The following USP10 variants were observed in gnomAD, a reference collection of about 807,000 sequenced individuals.
USP10 encodes ubiquitin carboxyl-terminal hydrolase 10.
In USP10, 22 loss-of-function variants were observed where a neutral mutation model predicts 84.5. The ratio of observed to expected loss-of-function variants is 0.26; its 90% CI spans 0.19 to 0.37. USP10 has a LOEUF of 0.37. Among genes scored for constraint, USP10 ranks in the 10% least tolerant of loss-of-function variants. The pLI is 1.00. For missense variants in USP10, 1,019 were observed against 998.9 expected, an observed-to-expected ratio of 1.02 and a Z score of -0.27; for synonymous variants, 454 against 387.6, an observed-to-expected ratio of 1.17 and a Z score of -2.01.
intron 11 of USP10, among the ~76,000 whole-genome samples, chr16:84,772,083 G>A (rs188535250): frequency 1.1e-4 from 17 of 152,040 alleles, no homozygotes; most frequent in South Asian, 2.1e-4. Flanking sequence ...ACAAGATCTC[G>A]CTGTGTTGCC....
chr16:84,749,213 A>G (rs1911609134), intron 4 of USP10, among the ~76,000 whole-genome samples: 1 of 152,194 alleles, frequency 6.6e-6, no homozygotes, highest in African/African-American at 2.4e-5. Context: ...AAAAGTGGTA[A>G]AACATACTCA....
chr16:84,774,497 T>TTCTTCTAGACAGAG (rs77818365), intron 12 of USP10, among the ~76,000 whole-genome samples: 1 of 150,226 alleles, frequency 6.7e-6, no homozygotes, highest in African/African-American at 2.5e-5. Flanking sequence ...GTTTGTTTTT[T>TTCTTCTAGACAGAG]TCTTGCTCTG....
At position 84,779,062 on chromosome 16, in the gene USP10, C is replaced by T. The variant is rs746444939; in HGVS notation, c.2377C>T (p.Arg793Cys). ...AERTAYLLYY[R>C]RVDLL ...ACGCACAGCCTACCTCCTGTATTAC[C>T]GCCGAGTGGACCTGCTGTAAACCCT... is the stretch of plus-strand genomic sequence containing the variant. The change falls in exon 14 of 14, where the codon CGC (arginine) becomes TGC (cysteine). Residue 793 changes from arginine to cysteine, a missense_variant. Transcript: ENST00000219473. The T allele has an allele frequency of 4.3e-6, 7 of 1,613,692 alleles. No homozygotes were observed. The highest frequency in any genetic ancestry group is 5.9e-6 in the Non-Finnish European group (7 of 1,179,746).
chr16:84,719,682 G>T (rs772908850), intron 1 of USP10, among the ~76,000 whole-genome samples: 3 of 152,204 alleles, frequency 2.0e-5, no homozygotes, highest in African/African-American at 4.8e-5. Context: ...AGTGTATGTA[G>T]GTCCCATAAG....
chr16:84,734,821 T>A (rs1296094275), intron 2 of USP10, among the ~76,000 whole-genome samples: 4 of 152,204 alleles, frequency 2.6e-5, no homozygotes, highest in African/African-American at 9.6e-5. Context: ...CTGAATTTTG[T>A]ATATGTGTGA....
At chr16:84,766,346 A>C (rs531634536) in intron 10 of USP10, among the ~76,000 whole-genome samples, 2 of 152,204 alleles carry the variant, frequency 1.3e-5, no homozygotes, top group Admixed American at 1.3e-4. Flanking sequence ...TGTCCACGGC[A>C]GCTGGGTGGT....
chr16:84,750,404 CA>C (rs71151245), intron 4 of USP10, among the ~76,000 whole-genome samples: 4,634 of 106,200 alleles, frequency 0.044, 201 homozygotes, highest in African/African-American at 0.15. Flanking sequence ...GAGACTGTCT[CA>C]AAAAAAAAAA....
chr16:84,735,690 G>A (rs1909843001), intron 2 of USP10, among the ~76,000 whole-genome samples: 1 of 152,174 alleles, frequency 6.6e-6, no homozygotes, highest in African/African-American at 2.4e-5. Flanking sequence ...ATTCACAGAA[G>A]ACGTGACTGT....
rs142177682 is a variant in USP10 at position 84,740,460 on chromosome 16, A to G, written c.151+91A>G. The G allele has an allele frequency of 8.4e-6, 9 of 1,076,098 alleles. No individual in the cohort carries two copies. The African/African-American group carries it at 9.5e-5, about 11-fold the overall frequency. 66.7% of individuals were successfully genotyped at this position (1,076,098 alleles called of 1,614,324 possible). The stretch of plus-strand genomic sequence containing the variant: ...CCTGTAAACATTGTTTCCCATTTGA[A>G]TAAACATTTCTTTGTAGCTTGAAGT... On this transcript the variant is annotated intron_variant, in intron 3 of 13. Coordinates refer to ENST00000219473, the MANE Select transcript of USP10 (RefSeq NM_005153.3).
chr16:84,745,638 C>T lies in USP10; in HGVS notation c.1157C>T (p.Pro386Leu), dbSNP rs761103695. Residue 386 changes from proline to leucine, a missense_variant, in exon 4 of 14, where the codon CCG becomes CTG. Physicochemically the swap from Pro to Leu is moderately conservative, Grantham distance 98. Coordinates refer to ENST00000219473, the MANE Select transcript of USP10 (RefSeq NM_005153.3). ...KQVEVKEGLV[P>L]VSEDPVAIKI... ...GTTGAAGTCAAAGAAGGGCTTGTTCCGGTTTCAGAGGATCCTGTAGCCATA... is the reference window on the plus strand; with the variant it reads ...GTTGAAGTCAAAGAAGGGCTTGTTCTGGTTTCAGAGGATCCTGTAGCCATA... 9.9e-6 allele frequency: 16 copies of T among 1,612,870 alleles called. No homozygotes were observed. Among genetic ancestry groups the T allele is most frequent in the South Asian group, 3.3e-5 (3 of 90,828 alleles).
intron 8 of USP10, 140 bp from the exon 9 acceptor site, chr16:84,762,849 T>C (rs554521841): frequency 5.8e-6 from 3 of 520,574 alleles, no homozygotes; most frequent in African/African-American, 5.6e-5. Context: ...GGGAAACCCA[T>C]GTCATCATGT....
At position 84,730,553 on chromosome 16, in the gene USP10, G is replaced by A. The variant is rs148540192; in HGVS notation, c.22-2882G>A. ...AAAACTCAGTGAACCGTTTCTGAGCGTTCCAGCTCATGACTTGAGGGTGTT... is the reference window on the plus strand; with the variant it reads ...AAAACTCAGTGAACCGTTTCTGAGCATTCCAGCTCATGACTTGAGGGTGTT... On this transcript the variant is annotated intron_variant, in intron 1 of 13. Coordinates refer to ENST00000219473, the MANE Select transcript of USP10 (RefSeq NM_005153.3). Among the ~76,000 whole-genome samples the A allele has an allele frequency of 1.0e-3, 157 of 152,312 alleles. 1 individual carries two copies. The highest frequency in any genetic ancestry group is 3.6e-3 in the African/African-American group (148 of 41,560).
Position 84,734,481 on chromosome 16 carries a change from C to T in USP10, c.90+978C>T, listed in dbSNP as rs185279959. 3.2e-3 allele frequency among the ~76,000 whole-genome samples: 487 copies of T among 152,196 alleles called. 1 individual carries two copies. Among genetic ancestry groups the T allele is most frequent in the Non-Finnish European group, 5.1e-3 (345 of 68,004 alleles). ...TTGTCCATATTTTTAAATCAAGTAGCTTGTCTTTTTCTTACTGATTTTAGG... is the reference window on the plus strand; with the variant it reads ...TTGTCCATATTTTTAAATCAAGTAGTTTGTCTTTTTCTTACTGATTTTAGG... On this transcript the variant is annotated intron_variant, in intron 2 of 13. Coordinates refer to ENST00000219473, the MANE Select transcript of USP10 (RefSeq NM_005153.3).
At chr16:84,767,513 C>G (rs1437189172) in intron 10 of USP10, among the ~76,000 whole-genome samples, 1 of 152,066 alleles carries the variant, frequency 6.6e-6, no homozygotes, top group Non-Finnish European at 1.5e-5. Flanking sequence ...ATTAAAAATC[C>G]TCTATTTACC....
chr16:84,758,785 G>A lies in USP10; in HGVS notation c.1262G>A (p.Gly421Glu), dbSNP rs1282298860. 1 of 1,613,598 alleles carries A rather than the reference G, an allele frequency of 6.2e-7. No homozygotes were observed. Residue 421 changes from glycine (G) to glutamate (E), a missense_variant, in exon 5 of 14, where the codon GGG (glycine) becomes GAG (glutamate). Physicochemically the swap from Gly to Glu is moderately conservative, Grantham distance 98. Transcript: ENST00000219473. ...SLQPRGLINK[G>E]NWCYINATLQ... ...CAACCCCGTGGGCTGATCAATAAAG[G>A]GAACTGGTGCTACATTAATGCTGTA...
intron 1 of USP10, among the ~76,000 whole-genome samples, chr16:84,720,467 T>G (rs892299866): frequency 1.3e-5 from 2 of 151,998 alleles, no homozygotes; most frequent in Non-Finnish European, 2.9e-5. Flanking sequence ...GTAATAAAGG[T>G]TGAGCCAGGC....
chr16:84,768,688 C>A (rs1479794509), intron 11 of USP10, among the ~76,000 whole-genome samples: 1 of 152,184 alleles, frequency 6.6e-6, no homozygotes, highest in East Asian at 1.9e-4. Flanking sequence ...TATTTATGTT[C>A]ATGATACCGT....
In USP10 at chr16:84,763,011, A is replaced by G. The variant is rs370982429; in HGVS notation, c.1577A>G (p.Glu526Gly). 5.0e-6 allele frequency: 8 copies of G among 1,611,340 alleles called. No individual in the cohort carries two copies. The African/African-American group carries it at 1.1e-4, about 22-fold the overall frequency. The change falls in exon 9 of 14, where the codon GAA becomes GGA. Residue 526 changes from glutamate to glycine, a missense_variant. Around this residue, in one of 2 missense-constraint regions of USP10, gnomAD observed 787 missense variants for 708.8 expected, o/e 1.11. Transcript: ENST00000219473. ...CAGGGTCGACAAGAAGATGCTGAGG[A>G]ATACTTAGGCTTCATTCTAAATGGA... ...SEKGRQEDAE[E>G]YLGFILNGLH...
At chr16:84,750,331 C>T (rs1036140058) in intron 4 of USP10, among the ~76,000 whole-genome samples, 3 of 146,234 alleles carry the variant, frequency 2.1e-5, no homozygotes, top group African/African-American at 7.5e-5. Flanking sequence ...TAGCTTGAAC[C>T]GGGGAGGTGG....
Sources: gnomAD v4.1 joint callset for allele counts (sites outside exome capture counted in the v4.1 genomes callset) on GRCh38, gnomAD v4.1.1 for gene constraint, gnomAD v4.1.1 regional missense constraint, MANE v1.5 for transcripts, NCBI Gene and HGNC (gene_info 2026-07-23, HGNC 2026-07-21) for gene names.